The following MLIP variants were observed in gnomAD, a reference collection of about 807,000 sequenced individuals.
MLIP encodes muscular LMNA interacting protein, also known as muscular LMNA-interacting protein.
In MLIP, 79 loss-of-function variants were observed where a neutral mutation model predicts 84.8. The observed-to-expected ratio is 0.93, with a 90% CI of 0.78 to 1.12. The LOEUF (loss-of-function observed/expected upper bound fraction) is 1.12, where lower values mean the gene tolerates loss of function less well. MLIP is among the 50% of genes most tolerant of loss of function. MLIP has a pLI of 0.00. For synonymous variants in MLIP, 504 were observed against 463.0 expected (o/e 1.09, Z -1.14); for missense variants, 1,257 against 1,160.6 (o/e 1.08, Z -1.21).
rs184654311 is a variant in MLIP at position 54,022,852 on chromosome 6, G to C, written c.63+3761G>C. On this transcript the variant is annotated intron_variant, in intron 1 of 12. Coordinates refer to the MLIP transcript ENST00000274897. ...AGACAATTTTATCTTCTCAAATAATGAATGTTCAGTAATATTACAAAAATA... is the reference window on the plus strand; with the variant it reads ...AGACAATTTTATCTTCTCAAATAATCAATGTTCAGTAATATTACAAAAATA... Among the ~76,000 whole-genome samples, 7 of 152,074 alleles carry C rather than the reference G, an allele frequency of 4.6e-5. 1 individual carries two copies. The highest frequency in any genetic ancestry group is 1.7e-4 in the African/African-American group (7 of 41,490).
chr6:54,042,449 CA>C (rs1489917224), intron 1 of MLIP, among the ~76,000 whole-genome samples: 1 of 152,072 alleles, frequency 6.6e-6, no homozygotes, highest in Non-Finnish European at 1.5e-5. Flanking sequence ...ACTGAGTTTT[CA>C]GCTTGTTTCC....
At chr6:54,122,834 ATTGCAAT>A (rs1770569540) in intron 2 of MLIP, among the ~76,000 whole-genome samples, 1 of 152,166 alleles carries the variant, frequency 6.6e-6, no homozygotes, top group Non-Finnish European at 1.5e-5. Context: ...TTATCTGCTG[ATTGCAAT>A]GATATATATA....
At chr6:54,134,039 G>A (rs902305776) in intron 3 of MLIP, among the ~76,000 whole-genome samples, 4 of 152,122 alleles carry the variant, frequency 2.6e-5, no homozygotes, top group Non-Finnish European at 4.4e-5. Flanking sequence ...AGGAGTTAGA[G>A]CATCAGTAAC....
Position 54,124,783 on chromosome 6 carries a change from C to T in MLIP, c.563C>T (p.Pro188Leu). The T allele has an allele frequency of 6.2e-7, 1 of 1,614,072 alleles. No individual in the cohort carries two copies. The highest frequency in any genetic ancestry group is 2.2e-5 in the East Asian group (1 of 44,870). The change falls in exon 3 of 14, where the codon CCC (proline) becomes CTC (leucine). Residue 188 changes from proline (P) to leucine (L), a missense_variant. Transcript: ENST00000502396. Reference sequence around the variant, plus strand: ...AGTCTGGTCTCTGATGTAGTGCGTCCCAAAACACAGGGGACTGATCTCAAG... The same window carrying T: ...AGTCTGGTCTCTGATGTAGTGCGTCTCAAAACACAGGGGACTGATCTCAAG... ...SSSLVSDVVRPKTQGTDLKTS... is the reference protein window; with the variant it reads ...SSSLVSDVVRLKTQGTDLKTS...
intron 9 of MLIP, among the ~76,000 whole-genome samples, chr6:54,181,051 T>C (rs1776807821): frequency 6.6e-6 from 1 of 152,154 alleles, no homozygotes; most frequent in Non-Finnish European, 1.5e-5. Flanking sequence ...TCTCTCTCTG[T>C]ACTGAGCTGC....
intron 1 of MLIP, among the ~76,000 whole-genome samples, chr6:54,074,939 C>T (rs1188594207): frequency 1.3e-5 from 2 of 152,022 alleles, no homozygotes; most frequent in African/African-American, 4.8e-5. Context: ...AGAACAGCTG[C>T]TGCATTTGCT....
chr6:54,170,533 A>G (rs2150594728), intron 9 of MLIP, among the ~76,000 whole-genome samples: 1 of 151,614 alleles, frequency 6.6e-6, no homozygotes, highest in Non-Finnish European at 1.5e-5. Flanking sequence ...TTATTATTGG[A>G]AGCCATTTGG....
At chr6:54,228,213 A>G (rs2754788) in intron 11 of MLIP, among the ~76,000 whole-genome samples, 97,712 of 115,388 alleles carry the variant, frequency 0.85, 41,904 homozygotes, top group Non-Finnish European at 0.88. Flanking sequence ...AAAAAAAAAA[A>G]AGAGAAAGAA....
chr6:54,242,287 G>A (rs9395920), intron 12 of MLIP, among the ~76,000 whole-genome samples: 20,525 of 152,038 alleles, frequency 0.13, 1,576 homozygotes, highest in African/African-American at 0.2. Context: ...AAACATTGAA[G>A]GTTGACTTTC....
At chr6:54,033,554 C>A (rs1764260870) in intron 1 of MLIP, among the ~76,000 whole-genome samples, 1 of 152,002 alleles carries the variant, frequency 6.6e-6, no homozygotes, top group Non-Finnish European at 1.5e-5. Context: ...TGTGAGCCAC[C>A]ACGCCCGGGT....
chr6:54,039,782 T>C (rs1764642849), intron 1 of MLIP, among the ~76,000 whole-genome samples: 1 of 151,988 alleles, frequency 6.6e-6, no homozygotes, highest in Non-Finnish European at 1.5e-5. Context: ...TCATCTATGT[T>C]GATTTCTTTG....
chr6:54,091,018 C>A (rs1393217467), intron 1 of MLIP, among the ~76,000 whole-genome samples: 1 of 151,996 alleles, frequency 6.6e-6, no homozygotes, highest in Non-Finnish European at 1.5e-5. Context: ...ATCTTCGTTG[C>A]CAGGAACCGT....
At chr6:54,212,897 A>T (rs913275695) in intron 11 of MLIP, among the ~76,000 whole-genome samples, 1 of 152,192 alleles carries the variant, frequency 6.6e-6, no homozygotes, top group African/African-American at 2.4e-5. Flanking sequence ...TTTCTTTTTC[A>T]CATTGGTAAA....
intron 12 of MLIP, among the ~76,000 whole-genome samples, chr6:54,247,852 C>G (rs1281084951): frequency 6.6e-6 from 1 of 152,086 alleles, no homozygotes; most frequent in South Asian, 2.1e-4. Context: ...GGAATGGGAT[C>G]TGGTACGGGG....
At chr6:54,034,976 T>C (rs1443823809) in intron 1 of MLIP, among the ~76,000 whole-genome samples, 2 of 152,178 alleles carry the variant, frequency 1.3e-5, no homozygotes, top group Non-Finnish European at 2.9e-5. Context: ...TACACAAATA[T>C]ATACCATTGT....
chr6:54,138,428 C>T, intron 4 of MLIP, 142 bp downstream of exon 4: 5 of 891,658 alleles, frequency 5.6e-6, no homozygotes, highest in Non-Finnish European at 8.2e-6. Flanking sequence ...GGTACCAGGA[C>T]TTGGTATATT....
intron 1 of MLIP, among the ~76,000 whole-genome samples, chr6:54,033,252 C>T (rs1266962340): frequency 6.6e-6 from 1 of 151,294 alleles, no homozygotes; most frequent in Admixed American, 6.6e-5. Context: ...TCCCATTTTG[C>T]AGTTGGAGGA....
chr6:54,251,198 C>A (rs1428187377), intron 12 of MLIP, among the ~76,000 whole-genome samples: 4 of 151,630 alleles, frequency 2.6e-5, no homozygotes, highest in Non-Finnish European at 1.5e-5. Flanking sequence ...AAATTCATTT[C>A]ATCAATTTAT....
intron 1 of MLIP, among the ~76,000 whole-genome samples, chr6:54,116,543 T>C (rs995366159): frequency 6.6e-6 from 1 of 152,132 alleles, no homozygotes; most frequent in Admixed American, 6.5e-5. Flanking sequence ...GAGAATGAAT[T>C]ATGAAGAACA....
Sources: gnomAD v4.1 joint callset for allele counts (sites outside exome capture counted in the v4.1 genomes callset) on GRCh38, gnomAD v4.1.1 for gene constraint, MANE v1.5 for transcripts, NCBI Gene and HGNC (gene_info 2026-07-23, HGNC 2026-07-21) for gene names.